Variants in AFG1L observed in about 807,000 individuals in gnomAD.
AFG1L encodes AFG1 like ATPase.
AFG1L carries 53 observed loss-of-function variants against 62.2 expected under a neutral mutation model. The observed-to-expected ratio is 0.85, with a 90% confidence interval of 0.68 to 1.07. AFG1L has a LOEUF of 1.07. Ranked by LOEUF, AFG1L falls within the 50% of genes least tolerant of loss-of-function variation. The probability of loss-of-function intolerance (pLI) is 0.00; values close to 1 mark genes in which losing one functional copy is unlikely to be tolerated. For missense variants in AFG1L, 555 were observed against 590.5 expected, an observed-to-expected ratio of 0.94 and a Z score of 0.62; for synonymous variants, 228 against 210.3, an observed-to-expected ratio of 1.08 and a Z score of -0.73.
rs577400069 is a variant in AFG1L at position 108,456,827 on chromosome 6, T to C, written c.890+9531T>C. On this transcript the variant is annotated intron_variant, in intron 8 of 12. Transcript: ENST00000368977. ...ATAAGATTATAATACTGTATTTTTA[T>C]TGTATCTTTTCTATGTTTAGATACA... Among the ~76,000 whole-genome samples, 19 of 152,310 alleles carry C rather than the reference T, an allele frequency of 1.2e-4. No homozygotes were observed. In the East Asian group the frequency reaches 3.5e-3, roughly 28 times the overall value.
intron 2 of AFG1L, among the ~76,000 whole-genome samples, chr6:108,342,503 C>G (rs1450345533): frequency 1.3e-5 from 2 of 152,034 alleles, no homozygotes; most frequent in Non-Finnish European, 2.9e-5. Flanking sequence ...TGAAGAAAAC[C>G]GTGTAACCCT....
chr6:108,425,206 G>T (rs1467101964), intron 7 of AFG1L, among the ~76,000 whole-genome samples: 1 of 152,142 alleles, frequency 6.6e-6, no homozygotes, highest in Non-Finnish European at 1.5e-5. Flanking sequence ...CTCCTGGAAT[G>T]TCACTGTGTG....
intron 10 of AFG1L, among the ~76,000 whole-genome samples, chr6:108,509,986 G>A (rs938287501): frequency 1.3e-5 from 2 of 152,150 alleles, no homozygotes; most frequent in African/African-American, 2.4e-5. Context: ...CACTCGTTAT[G>A]CATGGATGTG....
intron 12 of AFG1L, chr6:108,521,649 G>A (rs1260552260): frequency 6.6e-6 from 1 of 152,206 alleles, no homozygotes; most frequent in Admixed American, 6.5e-5. Context: ...CTCTGAAAAA[G>A]CATACTAGCA....
intron 6 of AFG1L, 65 bp from the exon 7 acceptor site, chr6:108,401,931 C>A: frequency 1.4e-6 from 1 of 734,128 alleles, no homozygotes; most frequent in Non-Finnish European, 2.3e-6. Context: ...ATTTGCCAGG[C>A]TAAACGATAA....
rs116326681 is a variant in AFG1L, at chr6:108,374,461, T to C, written c.748+8129T>C. Among the ~76,000 whole-genome samples, 515 of 152,358 alleles carry C rather than the reference T, an allele frequency of 3.4e-3. 5 individuals carry two copies. Among genetic ancestry groups the C allele is most frequent in the African/African-American group, 0.012 (486 of 41,590 alleles). On this transcript the variant is annotated intron_variant, in intron 6 of 12. Transcript: ENST00000368977. ...CCTAGATTTTCATCTAGGATTCTTATAGTTTGAAGTCTTACGTTTAAATCT... is the reference window on the plus strand; with the variant it reads ...CCTAGATTTTCATCTAGGATTCTTACAGTTTGAAGTCTTACGTTTAAATCT...
chr6:108,432,270 A>G (rs959186340), intron 7 of AFG1L, among the ~76,000 whole-genome samples: 2 of 152,010 alleles, frequency 1.3e-5, no homozygotes, highest in African/African-American at 2.4e-5. Context: ...AATCTGTAGT[A>G]TCTCACCACC....
At chr6:108,339,855 A>G (rs1055521534) in intron 2 of AFG1L, among the ~76,000 whole-genome samples, 1 of 152,184 alleles carries the variant, frequency 6.6e-6, no homozygotes, top group Non-Finnish European at 1.5e-5. Flanking sequence ...TAATCACATC[A>G]TGGAGAATGG....
At chr6:108,385,020 A>G (rs1436057325) in intron 6 of AFG1L, among the ~76,000 whole-genome samples, 1 of 152,216 alleles carries the variant, frequency 6.6e-6, no homozygotes, top group Non-Finnish European at 1.5e-5. Flanking sequence ...TTTTGAAAAA[A>G]CAGTGACTGA....
At chr6:108,337,094 A>G (rs1311589425) in intron 2 of AFG1L, among the ~76,000 whole-genome samples, 1 of 152,236 alleles carries the variant, frequency 6.6e-6, no homozygotes, top group Non-Finnish European at 1.5e-5. Flanking sequence ...TCCTGGGCTC[A>G]TGTGATCCTC....
intron 7 of AFG1L, among the ~76,000 whole-genome samples, chr6:108,431,477 G>T (rs1442316546): frequency 9.2e-5 from 14 of 151,904 alleles, no homozygotes; most frequent in Admixed American, 9.2e-4. Flanking sequence ...ATAATTTGTA[G>T]AAATTATTAT....
At chr6:108,302,004 T>G (rs1246550162) in intron 1 of AFG1L, among the ~76,000 whole-genome samples, 1 of 151,940 alleles carries the variant, frequency 6.6e-6, no homozygotes, top group Non-Finnish European at 1.5e-5. Context: ...GGAGTGCAAT[T>G]GGCATGATTT....
intron 6 of AFG1L, 88 bp from the exon 7 acceptor site, chr6:108,401,908 A>G: frequency 1.6e-6 from 1 of 607,662 alleles, no homozygotes; most frequent in Non-Finnish European, 2.9e-6. Flanking sequence ...TTTTTTAATC[A>G]GTAGAAAGCT....
At chr6:108,466,107 A>T (rs1772654925) in intron 8 of AFG1L, among the ~76,000 whole-genome samples, 1 of 152,234 alleles carries the variant, frequency 6.6e-6, no homozygotes, top group South Asian at 2.1e-4. Flanking sequence ...GAAGTCATTT[A>T]TAATTTATCC....
At chr6:108,308,609 G>T (rs1777293190) in intron 1 of AFG1L, among the ~76,000 whole-genome samples, 1 of 151,950 alleles carries the variant, frequency 6.6e-6, no homozygotes. Context: ...AAACTCCTGG[G>T]TCCAAGCGAT....
chr6:108,315,216 C>T (rs1777548013), intron 1 of AFG1L, among the ~76,000 whole-genome samples: 1 of 152,150 alleles, frequency 6.6e-6, no homozygotes, highest in Non-Finnish European at 1.5e-5. Context: ...GTAGCACATA[C>T]TCTACCTTGC....
At chr6:108,409,262 T>A (rs1238451652) in intron 7 of AFG1L, among the ~76,000 whole-genome samples, 1 of 152,234 alleles carries the variant, frequency 6.6e-6, no homozygotes, top group Non-Finnish European at 1.5e-5. Flanking sequence ...CTTGTATTAT[T>A]TTTATAATGA....
intron 11 of AFG1L, among the ~76,000 whole-genome samples, chr6:108,517,137 A>G (rs890059308): frequency 1.3e-5 from 2 of 152,248 alleles, no homozygotes; most frequent in African/African-American, 4.8e-5. Flanking sequence ...TTCTTCACAG[A>G]ATTGGCAAAA....
intron 2 of AFG1L, among the ~76,000 whole-genome samples, chr6:108,345,610 T>TA (rs1434971801): frequency 6.6e-6 from 1 of 152,190 alleles, no homozygotes; most frequent in Non-Finnish European, 1.5e-5. Flanking sequence ...GTGCTGGAAT[T>TA]ATAGATGTGA....
Sources: allele counts gnomAD v4.1 joint callset (sites outside exome capture counted in the v4.1 genomes callset), GRCh38; gene constraint gnomAD v4.1.1; transcripts MANE v1.5; gene names NCBI Gene and HGNC (gene_info 2026-07-23, HGNC 2026-07-21).